CCL20: variants seen among roughly 807,000 people sequenced by gnomAD.
The protein encoded by CCL20 is C-C motif chemokine ligand 20, also known as C-C motif chemokine 20.
A neutral mutation model predicts 10.8 loss-of-function variants in CCL20; 8 were observed. The observed-to-expected ratio is 0.74, with a 90% CI of 0.44 to 1.34. The LOEUF is 1.34. CCL20 is among the 40% of genes most tolerant of loss of function. The pLI is 0.01. For synonymous variants in CCL20, 40 were observed against 39.4 expected (o/e 1.02, Z -0.06); for missense variants, 107 against 117.9 (o/e 0.91, Z 0.43).
At chr2:227,816,436 T>C (rs375263834) in intron 3 of CCL20, 52 bp downstream of exon 3, 5 of 999,182 alleles carry the variant, frequency 5.0e-6, no homozygotes, top group Non-Finnish European at 7.7e-6. Flanking sequence ...AAGAGGAGTG[T>C]GCAAAGGGGT....
In CCL20 at chr2:227,813,858, C is replaced by G. The variant is rs1689982824; in HGVS notation, c.-54C>G. The G allele has an allele frequency of 1.4e-6, 2 of 1,385,286 alleles. No individual in the cohort carries two copies. Among genetic ancestry groups the G allele is most frequent in the African/African-American group, 1.4e-5 (1 of 70,454 alleles). 85.8% of individuals were successfully genotyped at this position (1,385,286 alleles called of 1,614,324 possible). On this transcript the variant is annotated 5_prime_UTR_variant, in exon 1 of 4. Coordinates refer to ENST00000358813, the MANE Select transcript of CCL20 (RefSeq NM_004591.3). The stretch of plus-strand genomic sequence containing the variant: ...GCTGCTGTCAGAATATAACAGCACT[C>G]CCAAAGAACTGGGTACTCAACACTG...
rs553360035 is a variant in CCL20 at position 227,816,394 on chromosome 2, A to C, written c.269+10A>C. On this transcript the variant is annotated intron_variant, in intron 3 of 3. Transcript: ENST00000358813. ...TTGTGCGTCTCCTCAGGTATGTTAC[A>C]CTGACATTTAGCCTTTGCAAATGTT... is the stretch of plus-strand genomic sequence containing the variant. 1 of 1,519,454 alleles carries C rather than the reference A, an allele frequency of 6.6e-7. No individual in the cohort carries two copies. Among genetic ancestry groups the C allele is most frequent in the Admixed American group, 1.7e-5 (1 of 59,372 alleles). 94.1% of individuals were successfully genotyped at this position (1,519,454 alleles called of 1,614,324 possible).
At chr2:227,815,203 C>G (rs892535005) in intron 1 of CCL20, among the ~76,000 whole-genome samples, 3 of 152,136 alleles carry the variant, frequency 2.0e-5, no homozygotes, top group African/African-American at 7.2e-5. Context: ...CTGTGTTTCT[C>G]AATTCTATTA....
intron 3 of CCL20, 101 bp downstream of exon 3, chr2:227,816,485 G>A (rs1690027252): frequency 3.4e-6 from 2 of 583,192 alleles, no homozygotes; most frequent in South Asian, 2.9e-5. Context: ...TTTAACTATT[G>A]TGGAATTTTT....
chr2:227,814,103 G>A (rs1689987120), intron 1 of CCL20, 116 bp downstream of exon 1: 2 of 876,064 alleles, frequency 2.3e-6, no homozygotes, highest in African/African-American at 3.3e-5. Context: ...TATACAAGAG[G>A]TAGTGATGGA....
At chr2:227,814,501 C>CAG (rs111334407) in intron 1 of CCL20, among the ~76,000 whole-genome samples, 13,429 of 152,082 alleles carry the variant, frequency 0.088, 1,958 homozygotes, top group African/African-American at 0.31. Flanking sequence ...TAATCTGACT[C>CAG]GGGAATGTCC....
Position 227,816,369 on chromosome 2 carries a change from T to C in CCL20, c.254T>C (p.Ile85Thr), listed in dbSNP as rs1482737219. The C allele has an allele frequency of 1.2e-6, 2 of 1,601,054 alleles. No homozygotes were observed. Among genetic ancestry groups the C allele is most frequent in the African/African-American group, 2.7e-5 (2 of 74,796 alleles). The part of the protein sequence containing the change: ...ANPKQTWVKY[I>T]VRLLSKKVKN... Reference sequence around the variant, plus strand: ...CCAAAACAGACTTGGGTGAAATATATTGTGCGTCTCCTCAGGTATGTTACA... The same window carrying C: ...CCAAAACAGACTTGGGTGAAATATACTGTGCGTCTCCTCAGGTATGTTACA... Residue 85 changes from isoleucine to threonine, a missense_variant, in exon 3 of 4, where the codon ATT becomes ACT. By Grantham distance (89) the Ile-to-Thr change is moderately conservative (BLOSUM62 -1). Transcript: ENST00000358813.
At chr2:227,815,730 T>C in intron 2 of CCL20, 162 bp downstream of exon 2, 1 of 567,930 alleles carries the variant, frequency 1.8e-6, no homozygotes, top group Non-Finnish European at 3.1e-6. Flanking sequence ...GATAGCTTTG[T>C]CTTAGTACAT....
At chr2:227,815,230 C>A (rs558062984) in intron 1 of CCL20, 1 of 356,828 alleles carries the variant, frequency 2.8e-6, no homozygotes, top group South Asian at 9.5e-5. Context: ...CAAAACTTCT[C>A]GGCACACAAA....
chr2:227,817,043 C>A lies in CCL20; in HGVS notation c.270-19C>A. The A allele has an allele frequency of 6.3e-7, 1 of 1,596,936 alleles. No individual in the cohort carries two copies. The highest frequency in any genetic ancestry group is 8.6e-7 in the Non-Finnish European group (1 of 1,165,034). On this transcript the variant is annotated intron_variant, in intron 3 of 3. Coordinates refer to ENST00000358813, the MANE Select transcript of CCL20 (RefSeq NM_004591.3). ...TCACCTTGTCATTACTTACACTTTT[C>A]TTCTTTTTCATTTTACAGTAAAAAA...
At position 227,813,847 on chromosome 2, in the gene CCL20, A is replaced by G; in HGVS notation, c.-65A>G. ...GGCCATCCCAGGCTGCTGTCAGAATATAACAGCACTCCCAAAGAACTGGGT... is the reference window on the plus strand; with the variant it reads ...GGCCATCCCAGGCTGCTGTCAGAATGTAACAGCACTCCCAAAGAACTGGGT... On this transcript the variant is annotated 5_prime_UTR_variant, in exon 1 of 4. In the 5' UTR this introduces an upstream ATG that the reference lacks. Coordinates refer to ENST00000358813, the MANE Select transcript of CCL20 (RefSeq NM_004591.3). 8.2e-7 allele frequency: 1 copy of G among 1,223,082 alleles called. No individual in the cohort carries two copies. Among genetic ancestry groups the G allele is most frequent in the South Asian group, 1.2e-5 (1 of 83,078 alleles). 75.8% of individuals were successfully genotyped at this position (1,223,082 alleles called of 1,614,324 possible).
In CCL20 at chr2:227,816,330, C is replaced by G; in HGVS notation, c.215C>G (p.Ser72Cys). The G allele has an allele frequency of 6.2e-7, 1 of 1,610,800 alleles. No individual in the cohort carries two copies. Among genetic ancestry groups the G allele is most frequent in the Non-Finnish European group, 8.5e-7 (1 of 1,177,338 alleles). The change falls in exon 3 of 4, where the codon TCT (serine) becomes TGT (cysteine). Residue 72 changes from serine (S) to cysteine (C), a missense_variant. Physicochemically the swap from Ser to Cys is moderately radical, Grantham distance 112 (BLOSUM62 -1). Transcript: ENST00000358813. ...AGCTTTCACACAAAGAAAAAGTTGTCTGTGTGCGCAAATCCAAAACAGACT... is the reference window on the plus strand; with the variant it reads ...AGCTTTCACACAAAGAAAAAGTTGTGTGTGTGCGCAAATCCAAAACAGACT... ...AIIFHTKKKLSVCANPKQTWV... is the reference protein window; with the variant it reads ...AIIFHTKKKLCVCANPKQTWV...
chr2:227,816,986 C>A (rs1283846317), intron 3 of CCL20, 76 bp from the exon 4 acceptor site: 2 of 1,159,438 alleles, frequency 1.7e-6, no homozygotes, highest in South Asian at 1.3e-5. Flanking sequence ...GTGAAGCAAC[C>A]TTTAGGTACC....
At position 227,814,159 on chromosome 2, in the gene CCL20, C is replaced by T. The variant is rs137913071; in HGVS notation, c.76+172C>T. ...GTGGAGGAGAGAAGAGTTACTGCTG[C>T]GGATCAGGCTTTCCTCTCTGCTGTC... On this transcript the variant is annotated intron_variant, in intron 1 of 3. Coordinates refer to ENST00000358813, the MANE Select transcript of CCL20 (RefSeq NM_004591.3). 4.4e-3 allele frequency among the ~76,000 whole-genome samples: 664 copies of T among 152,266 alleles called. 1 individual carries two copies. Among genetic ancestry groups the T allele is most frequent in the Middle Eastern group, 0.02 (6 of 294 alleles).
At position 227,817,137 on chromosome 2, in the gene CCL20, C is replaced by G; in HGVS notation, c.*54C>G. The G allele has an allele frequency of 6.8e-7, 1 of 1,477,250 alleles. No homozygotes were observed. The highest frequency in any genetic ancestry group is 9.4e-7 in the Non-Finnish European group (1 of 1,058,806). The allele number at this position is 1,477,250 out of a possible 1,614,324, so 91.5% of individuals were successfully genotyped here. A position where few individuals can be genotyped will look rare whatever the true frequency, so the allele number is the denominator to read the frequency against. ...GACATAGCCCAAGAACAGAAAGAAC[C>G]TTGCTGGGGTTGGAGGTTTCACTTG... On this transcript the variant is annotated 3_prime_UTR_variant, in exon 4 of 4. Transcript: ENST00000358813.
intron 3 of CCL20, 33 bp downstream of exon 3, chr2:227,816,417 G>A: frequency 7.5e-7 from 1 of 1,325,164 alleles, no homozygotes; most frequent in Non-Finnish European, 1.1e-6. Context: ...CTTTGCAAAT[G>A]TTTGAGGAAA....
At chr2:227,815,431 C>T (rs1439047978) in intron 1 of CCL20, 23 bp from the exon 2 acceptor site, 1 of 1,190,056 alleles carries the variant, frequency 8.4e-7, no homozygotes, top group South Asian at 1.3e-5. Flanking sequence ...GATCCAATAC[C>T]TTTCACTTTT....
At chr2:227,815,103 C>T (rs1208737532) in intron 1 of CCL20, among the ~76,000 whole-genome samples, 1 of 152,106 alleles carries the variant, frequency 6.6e-6, no homozygotes, top group African/African-American at 2.4e-5. Flanking sequence ...AGGGAAGGGG[C>T]TGCTCATATT....
Position 227,817,163 on chromosome 2 carries a change from C to G in CCL20, c.*80C>G. The G allele has an allele frequency of 8.1e-6, 9 of 1,111,568 alleles. No homozygotes were observed. Among genetic ancestry groups the G allele is most frequent in the Non-Finnish European group, 1.2e-5 (9 of 729,204 alleles). 68.9% of individuals were successfully genotyped at this position (1,111,568 alleles called of 1,614,324 possible). On this transcript the variant is annotated 3_prime_UTR_variant, in exon 4 of 4. Coordinates refer to ENST00000358813, the MANE Select transcript of CCL20 (RefSeq NM_004591.3). ...TTGCTGGGGTTGGAGGTTTCACTTG[C>G]ACATCATGGAGGGTTTAGTGCTTAT...
Sources: gnomAD v4.1 joint callset for allele counts (sites outside exome capture counted in the v4.1 genomes callset) on GRCh38, gnomAD v4.1.1 for gene constraint, MANE v1.5 for transcripts, NCBI Gene and HGNC (gene_info 2026-07-23, HGNC 2026-07-21) for gene names.